Variants in ATP2A3 observed in about 807,000 individuals in gnomAD.
ATP2A3 encodes ATPase sarcoplasmic/endoplasmic reticulum Ca2+ transporting 3.
Under a neutral mutation model 106.8 loss-of-function variants are expected in ATP2A3, and 61 were observed. The observed-to-expected ratio is 0.57, with a 90% CI of 0.46 to 0.71. The LOEUF is 0.71. Ranked by LOEUF, ATP2A3 falls within the 30% of genes least tolerant of loss-of-function variation. The pLI, the probability that ATP2A3 is intolerant of heterozygous loss-of-function variation, is 0.00. For missense variants in ATP2A3, 1,201 were observed against 1,423.5 expected (o/e 0.84, Z 2.52); for synonymous variants, 611 against 609.3 (o/e 1.00, Z -0.04).
At chr17:3,942,766 A>G in intron 11 of ATP2A3, 35 bp from the exon 12 acceptor site, 1 of 1,608,780 alleles carries the variant, frequency 6.2e-7, no homozygotes, top group African/African-American at 1.3e-5. Flanking sequence ...CATGAAGGAC[A>G]GAGCCAGCAA....
intron 3 of ATP2A3, among the ~76,000 whole-genome samples, chr17:3,952,363 C>T (rs2054499535): frequency 6.6e-6 from 1 of 152,214 alleles, no homozygotes; most frequent in Non-Finnish European, 1.5e-5. Flanking sequence ...CGCCACTGCG[C>T]CCAGCCAAGC....
Position 3,929,429 on chromosome 17 carries a change from A to T in ATP2A3, c.2761T>A (p.Ser921Thr), listed in dbSNP as rs1175260512. Residue 921 changes from serine (S) to threonine (T), a missense_variant, in exon 19 of 21, where the codon TCG becomes ACG. By Grantham distance (58) the Ser-to-Thr change is moderately conservative (BLOSUM62 1). Coordinates refer to ENST00000397041, the MANE Select transcript of ATP2A3 (RefSeq NM_005173.4). The surrounding 1 kb of genome is among the most constrained non-coding windows in gnomAD (Gnocchi z 4.3). ...ATCCAGGGCGGCATCCGCAGCAGCGACTGGTTCTCCGAGACGCTGCCAGGG... is the reference window on the plus strand; with the variant it reads ...ATCCAGGGCGGCATCCGCAGCAGCGTCTGGTTCTCCGAGACGCTGCCAGGG... The part of the protein sequence containing the change: ...NALNSVSENQ[S>T]LLRMPPWMNP... 1.3e-6 allele frequency: 2 copies of T among 1,593,968 alleles called. No individual in the cohort carries two copies. Among genetic ancestry groups the T allele is most frequent in the Non-Finnish European group, 1.7e-6 (2 of 1,171,198 alleles).
At chr17:3,951,096 C>T (rs919477602) in intron 5 of ATP2A3, among the ~76,000 whole-genome samples, 155 bp downstream of exon 5, 3 of 151,862 alleles carry the variant, frequency 2.0e-5, no homozygotes, top group African/African-American at 4.8e-5. Flanking sequence ...TGCTTGAACC[C>T]GGGAGGCAGG....
At position 3,936,083 on chromosome 17, in the gene ATP2A3, G is replaced by C. The variant is rs749399697; in HGVS notation, c.2524+184C>G. Among the ~76,000 whole-genome samples the C allele has an allele frequency of 4.6e-5, 7 of 152,256 alleles. No homozygotes were observed. The highest frequency in any genetic ancestry group is 9.6e-5 in the African/African-American group (4 of 41,472). On this transcript the variant is annotated intron_variant, in intron 16 of 20. Transcript: ENST00000397041. This position sits in a 1 kb window ranked among gnomAD's most constrained non-coding sequence, Gnocchi z 5.4. ...TGGGCCTGAGAATGAAGCTGAGGCA[G>C]TGCCAAAATATGCCAGTGATACTGA...
chr17:3,944,537 C>T (rs2053974491), intron 10 of ATP2A3, among the ~76,000 whole-genome samples, 167 bp downstream of exon 10: 1 of 152,046 alleles, frequency 6.6e-6, no homozygotes, highest in African/African-American at 2.4e-5. Flanking sequence ...AGCCTGTCTG[C>T]GGAAAGGGAG....
chr17:3,955,205 C>A lies in ATP2A3; in HGVS notation c.119-1495G>T, dbSNP rs148994344. On this transcript the variant is annotated intron_variant, in intron 1 of 20. Transcript: ENST00000397041. The surrounding 1 kb of genome is among the most constrained non-coding windows in gnomAD (Gnocchi z 4.2). ...CCGGCCATGGCTGGCTCTCTTCCAC[C>A]TCCTTCTTCCTGACACTGGAAACAG... Among the ~76,000 whole-genome samples the A allele has an allele frequency of 2.1e-4, 32 of 152,332 alleles. No individual in the cohort carries two copies. The East Asian group carries it at 4.6e-3, about 22-fold the overall frequency.
intron 4 of ATP2A3, 29 bp downstream of exon 4, chr17:3,951,552 C>A (rs534147116): frequency 9.5e-6 from 13 of 1,365,882 alleles, no homozygotes; most frequent in East Asian, 4.9e-5. Context: ...GACCGCCCCC[C>A]GCCCGGTCCC....
chr17:3,940,943 C>A, intron 14 of ATP2A3, 28 bp downstream of exon 14: 1 of 1,613,140 alleles, frequency 6.2e-7, no homozygotes, highest in East Asian at 2.2e-5. Flanking sequence ...TCATCACCCC[C>A]TCCTGGGGCT....
rs769871477 is a variant in ATP2A3 at position 3,925,098 on chromosome 17, C to T, written c.*324G>A. On this transcript the variant is annotated 3_prime_UTR_variant, in exon 21 of 21. Transcript: ENST00000397041. The surrounding 1 kb of genome is among the most constrained non-coding windows in gnomAD (Gnocchi z 4.2). ...TCGTGATTTGGGGGTGGGGGGGCCC[C>T]GGATCTCTGGGTATGCTGCCAGCTC... 1.5e-4 allele frequency: 80 copies of T among 541,122 alleles called. No individual in the cohort carries two copies. The highest frequency in any genetic ancestry group is 1.9e-4 in the Non-Finnish European group (57 of 299,992). 33.5% of individuals were successfully genotyped at this position (541,122 alleles called of 1,614,324 possible). A position where few individuals can be genotyped will look rare whatever the true frequency, so the allele number is the denominator to read the frequency against.
rs1025463352 is a variant in ATP2A3, at chr17:3,930,757, T to C, written c.2611-323A>G. ...GCCTGGAGATCACTGAATAGGGAAA[T>C]GCATGTGAAAATCAACCAACAAAAC... is the stretch of plus-strand genomic sequence containing the variant. On this transcript the variant is annotated intron_variant, in intron 17 of 20. Coordinates refer to ENST00000397041, the MANE Select transcript of ATP2A3 (RefSeq NM_005173.4). This position sits in a 1 kb window ranked among gnomAD's most constrained non-coding sequence, Gnocchi z 5.4. 5 of 453,432 alleles carry C rather than the reference T, an allele frequency of 1.1e-5. No individual in the cohort carries two copies. The highest frequency in any genetic ancestry group is 8.0e-5 in the African/African-American group (4 of 50,090). The allele number at this position is 453,432 out of a possible 1,614,324, so 28.1% of individuals were successfully genotyped here.
intron 17 of ATP2A3, among the ~76,000 whole-genome samples, chr17:3,933,475 C>T (rs1020681462): frequency 7.3e-5 from 11 of 151,092 alleles, no homozygotes; most frequent in Admixed American, 2.6e-4. Flanking sequence ...CCGTGGCTCA[C>T]GCCTGTGATC....
At chr17:3,941,928 T>G (rs1445202346) in intron 12 of ATP2A3, among the ~76,000 whole-genome samples, 1 of 152,160 alleles carries the variant, frequency 6.6e-6, no homozygotes, top group Admixed American at 6.5e-5. Context: ...CACAGCAGAC[T>G]CGGGCACTGC....
intron 7 of ATP2A3, among the ~76,000 whole-genome samples, chr17:3,949,210 A>G (rs944737016): frequency 4.7e-5 from 7 of 149,364 alleles, no homozygotes; most frequent in Admixed American, 1.3e-4. Context: ...GAAGTTTTCT[A>G]TCCCCCGATA....
At chr17:3,951,543 A>ACCCCCCCCCCCCCCCCCCCC (rs56224024) in intron 4 of ATP2A3, 38 bp downstream of exon 4, 73 of 1,388,718 alleles carry the variant, frequency 5.3e-5, no homozygotes, top group African/African-American at 6.2e-5. Context: ...TGGCTGGGAG[A>ACCCCCCCCCCCCCCCCCCCC]CCGCCCCCCG....
intron 5 of ATP2A3, 129 bp from the exon 6 acceptor site, chr17:3,950,902 C>T (rs1398013384): frequency 1.1e-6 from 1 of 940,410 alleles, no homozygotes; most frequent in Non-Finnish European, 1.6e-6. Context: ...CTCTGGTGAC[C>T]CCTGCCCCTC....
chr17:3,954,996 G>A (rs2144700521), intron 1 of ATP2A3, among the ~76,000 whole-genome samples: 1 of 152,332 alleles, frequency 6.6e-6, no homozygotes, highest in South Asian at 2.1e-4. Context: ...GTGAGTGAGT[G>A]GGTCTGTGTG....
chr17:3,963,646 T>C (rs979492570), intron 1 of ATP2A3, among the ~76,000 whole-genome samples: 4 of 152,170 alleles, frequency 2.6e-5, no homozygotes, highest in Non-Finnish European at 5.9e-5. Flanking sequence ...CCGCTTCGGG[T>C]TGCAGAAAGA....
At chr17:3,937,365 G>A in intron 15 of ATP2A3, 51 bp downstream of exon 15, 1 of 1,580,538 alleles carries the variant, frequency 6.3e-7, no homozygotes, top group Non-Finnish European at 8.6e-7. Context: ...CCCCATCTCA[G>A]GGGCACAGAG....
rs143554289 is a variant in ATP2A3, at chr17:3,951,373, C to G, written c.341G>C (p.Ser114Thr). 1 of 1,613,698 alleles carries G rather than the reference C, an allele frequency of 6.2e-7. No homozygotes were observed. Among genetic ancestry groups the G allele is most frequent in the Non-Finnish European group, 8.5e-7 (1 of 1,180,032 alleles). ...ATACTCCTTCAGGGCCTCGATGGCA[C>G]TCTCGGCGTTGCGTTCCTGCAGAAT... ...VGVWQERNAE[S>T]AIEALKEYEP... Residue 114 changes from serine to threonine, a missense_variant, in exon 5 of 21, where the codon AGT becomes ACT. Transcript: ENST00000397041.
Sources: allele counts gnomAD v4.1 joint callset (sites outside exome capture counted in the v4.1 genomes callset), GRCh38; gene constraint gnomAD v4.1.1; non-coding constraint Gnocchi (gnomAD v3.1); transcripts MANE v1.5; gene names NCBI Gene and HGNC (gene_info 2026-07-23, HGNC 2026-07-21).